The following CPQ variants were observed in gnomAD, a reference collection of about 807,000 sequenced individuals.
CPQ encodes carboxypeptidase Q.
CPQ carries 37 observed loss-of-function variants against 45.7 expected under a neutral mutation model. The observed-to-expected ratio is 0.81, with a 90% CI of 0.62 to 1.07. The LOEUF (loss-of-function observed/expected upper bound fraction) is 1.07, where lower values mean the gene tolerates loss of function less well. CPQ is among the 50% of genes least tolerant of loss of function. The pLI is 0.00. For synonymous variants in CPQ, 186 were observed against 205.8 expected, an observed-to-expected ratio of 0.90 and a Z score of 0.82; for missense variants, 537 against 572.9, an observed-to-expected ratio of 0.94 and a Z score of 0.64.
intron 2 of CPQ, among the ~76,000 whole-genome samples, chr8:96,818,510 C>T (rs1322016839): frequency 6.6e-6 from 1 of 151,938 alleles, no homozygotes; most frequent in Non-Finnish European, 1.5e-5. Context: ...TTGCAACAAA[C>T]TCGATTTGTA....
chr8:96,794,169 G>C (rs1466533899), intron 2 of CPQ, among the ~76,000 whole-genome samples: 1 of 152,148 alleles, frequency 6.6e-6, no homozygotes, highest in Admixed American at 6.5e-5. Context: ...CCTAGGGGAG[G>C]TTCTCCATGA....
At chr8:97,062,940 T>G (rs2130523552) in intron 6 of CPQ, among the ~76,000 whole-genome samples, 1 of 152,306 alleles carries the variant, frequency 6.6e-6, no homozygotes, top group South Asian at 2.1e-4. Context: ...AACATACACA[T>G]GCATGTGTCT....
At chr8:96,930,871 CAG>C (rs1274245909) in intron 4 of CPQ, among the ~76,000 whole-genome samples, 1 of 152,196 alleles carries the variant, frequency 6.6e-6, no homozygotes, top group Non-Finnish European at 1.5e-5. Flanking sequence ...GTTTTTCCCA[CAG>C]AGAGACATTT....
intron 7 of CPQ, among the ~76,000 whole-genome samples, chr8:97,094,138 A>G (rs539252504): frequency 1.2e-4 from 18 of 152,264 alleles, no homozygotes; most frequent in African/African-American, 4.1e-4. Flanking sequence ...GACAACTCTT[A>G]TAAAACACTT....
At chr8:96,665,596 A>C (rs898911978) in intron 1 of CPQ, among the ~76,000 whole-genome samples, 1 of 152,246 alleles carries the variant, frequency 6.6e-6, no homozygotes, top group Non-Finnish European at 1.5e-5. Context: ...AAGTAATTCA[A>C]CCAAGATGGG....
intron 2 of CPQ, among the ~76,000 whole-genome samples, chr8:96,806,387 A>G (rs1811079900): frequency 6.6e-6 from 1 of 152,228 alleles, no homozygotes; most frequent in Non-Finnish European, 1.5e-5. Context: ...GAGAGCTACT[A>G]AATGCAAATA....
In CPQ at chr8:96,784,912, C is replaced by G. The variant is rs758074689; in HGVS notation, c.15C>G (p.Ile5Met). The G allele has an allele frequency of 6.3e-7, 1 of 1,598,476 alleles. No individual in the cohort carries two copies. Among genetic ancestry groups the G allele is most frequent in the East Asian group, 2.2e-5 (1 of 44,666 alleles). MKFL[I>M]FAFFGGVHLL... ...TGGAAAAAAAAATGAAATTCCTTAT[C>G]TTCGCATTTTTCGGTGGTGTTCACC... The change falls in exon 2 of 8, where the codon ATC becomes ATG. Residue 5 changes from isoleucine (I) to methionine (M), a missense_variant. Ile to Met is a conservative substitution (Grantham distance 10). Transcript: ENST00000220763.
intron 1 of CPQ, among the ~76,000 whole-genome samples, chr8:96,720,325 A>G (rs1457958945): frequency 6.6e-6 from 1 of 151,956 alleles, no homozygotes; most frequent in African/African-American, 2.4e-5. Context: ...GGATCTAGTC[A>G]TTTTTTTATT....
chr8:96,784,996 T>G lies in CPQ; in HGVS notation c.99T>G (p.Phe33Leu). The G allele has an allele frequency of 3.1e-6, 5 of 1,613,778 alleles. No homozygotes were observed. Among genetic ancestry groups the G allele is most frequent in the Non-Finnish European group, 4.2e-6 (5 of 1,179,786 alleles). Residue 33 changes from phenylalanine to leucine, a missense_variant, in exon 2 of 8, where the codon TTT becomes TTG. Coordinates refer to ENST00000220763, the MANE Select transcript of CPQ (RefSeq NM_016134.4). ...ICKNGISKRTFEEIKEEIASC... is the reference protein window; with the variant it reads ...ICKNGISKRTLEEIKEEIASC... ...AGAATGGCATCTCTAAGAGGACTTT[T>G]GAAGAAATAAAAGAAGAAATAGCCA...
intron 3 of CPQ, among the ~76,000 whole-genome samples, chr8:96,853,098 G>A (rs1811793004): frequency 6.6e-6 from 1 of 152,158 alleles, no homozygotes; most frequent in African/African-American, 2.4e-5. Context: ...CAAAATATTT[G>A]ATGTTCTTGT....
intron 3 of CPQ, among the ~76,000 whole-genome samples, chr8:96,863,292 G>C (rs991441063): frequency 6.6e-6 from 1 of 152,036 alleles, no homozygotes; most frequent in African/African-American, 2.4e-5. Context: ...ACAAATGTCA[G>C]GAGCTTGGAA....
intron 1 of CPQ, among the ~76,000 whole-genome samples, chr8:96,753,382 C>T (rs1810287435): frequency 6.6e-6 from 1 of 152,084 alleles, no homozygotes; most frequent in African/African-American, 2.4e-5. Context: ...ACTATTTTCA[C>T]ACACAATATT....
chr8:96,734,206 G>C (rs1207651663), intron 1 of CPQ, among the ~76,000 whole-genome samples: 1 of 152,126 alleles, frequency 6.6e-6, no homozygotes. Flanking sequence ...CTTTCACTAA[G>C]TCCTTTCAGT....
chr8:96,873,120 C>G (rs1394549256), intron 3 of CPQ, among the ~76,000 whole-genome samples: 1 of 151,764 alleles, frequency 6.6e-6, no homozygotes, highest in African/African-American at 2.4e-5. Flanking sequence ...TGGTGTTCTT[C>G]TGAGATTTGC....
chr8:96,727,179 C>T (rs1382603868), intron 1 of CPQ, among the ~76,000 whole-genome samples: 1 of 152,126 alleles, frequency 6.6e-6, no homozygotes, highest in Non-Finnish European at 1.5e-5. Context: ...GTGAGTTTTC[C>T]ACTTTAGGGA....
chr8:96,835,229 G>T, intron 3 of CPQ, 49 bp downstream of exon 3: 1 of 1,358,118 alleles, frequency 7.4e-7, no homozygotes. Flanking sequence ...AGGGTTTTCC[G>T]TGAAGGAAAA....
chr8:96,847,482 A>G (rs549121139), intron 3 of CPQ, among the ~76,000 whole-genome samples: 2 of 152,366 alleles, frequency 1.3e-5, no homozygotes, highest in East Asian at 3.9e-4. Flanking sequence ...TTGATAAAGC[A>G]TCAAAAATTT....
In CPQ at chr8:97,077,832, G is replaced by T. The variant is rs1810874684; in HGVS notation, c.1255+11622G>T. 2.6e-5 allele frequency among the ~76,000 whole-genome samples: 4 copies of T among 152,208 alleles called. 1 individual carries two copies. In the Middle Eastern group the frequency reaches 0.014, roughly 518 times the overall value. ...CAAAGGCCAACTAGATTTAATTTCA[G>T]TATATTCTGAATGGTACAGTCTAAT... On this transcript the variant is annotated intron_variant, in intron 7 of 7. Coordinates refer to ENST00000220763, the MANE Select transcript of CPQ (RefSeq NM_016134.4).
intron 1 of CPQ, among the ~76,000 whole-genome samples, chr8:96,750,136 A>G (rs1810239520): frequency 6.6e-6 from 1 of 151,770 alleles, no homozygotes; most frequent in Admixed American, 6.6e-5. Flanking sequence ...ACATGTATAT[A>G]TATATTTTAT....
Sources: gnomAD v4.1 joint callset for allele counts (sites outside exome capture counted in the v4.1 genomes callset) on GRCh38, gnomAD v4.1.1 for gene constraint, MANE v1.5 for transcripts, NCBI Gene and HGNC (gene_info 2026-07-23, HGNC 2026-07-21) for gene names.